The following STAU2 variants were observed in gnomAD, a reference collection of about 807,000 sequenced individuals.
The protein encoded by STAU2 is staufen double-stranded RNA binding protein 2.
In STAU2, 20 loss-of-function variants were observed where a neutral mutation model predicts 65.9. The observed-to-expected ratio is 0.30, with a 90% CI of 0.21 to 0.44. The LOEUF (loss-of-function observed/expected upper bound fraction) is 0.44, where lower values mean the gene tolerates loss of function less well. Among genes scored for constraint, STAU2 ranks in the 20% least tolerant of loss-of-function variants. STAU2 has a pLI of 1.00. For missense variants in STAU2, 558 were observed against 683.9 expected (o/e 0.82, Z 2.05); for synonymous variants, 232 against 233.9 (o/e 0.99, Z 0.07).
chr8:73,489,597 G>A (rs907545241), intron 13 of STAU2, among the ~76,000 whole-genome samples: 11 of 151,976 alleles, frequency 7.2e-5, no homozygotes, highest in Non-Finnish European at 1.6e-4. Flanking sequence ...ACCACCATTG[G>A]CAATGCAGTT....
chr8:73,609,657 A>T (rs114237348), intron 9 of STAU2, among the ~76,000 whole-genome samples: 1,688 of 151,756 alleles, frequency 0.011, 31 homozygotes, highest in African/African-American at 0.038. Flanking sequence ...TGTCTCAATT[A>T]AAAAAAAATT....
chr8:73,486,713 G>T (rs1020761900), intron 13 of STAU2, among the ~76,000 whole-genome samples: 1 of 149,608 alleles, frequency 6.7e-6, no homozygotes, highest in Non-Finnish European at 1.5e-5. Context: ...GAGTGTAGTG[G>T]CATATTATGG....
intron 13 of STAU2, chr8:73,550,292 A>T (rs1807238869): frequency 1.0e-6 from 1 of 984,304 alleles, no homozygotes; most frequent in Admixed American, 6.2e-5. Flanking sequence ...TGCAATAATG[A>T]GGGAAGCAGA....
At chr8:73,488,958 T>C (rs925110059) in intron 13 of STAU2, among the ~76,000 whole-genome samples, 2 of 152,048 alleles carry the variant, frequency 1.3e-5, no homozygotes, top group Non-Finnish European at 2.9e-5. Flanking sequence ...CCTAACTGTC[T>C]CTTTCCCACA....
chr8:73,593,596 T>A (rs959964832), intron 11 of STAU2, among the ~76,000 whole-genome samples: 3 of 152,134 alleles, frequency 2.0e-5, no homozygotes, highest in Non-Finnish European at 2.9e-5. Flanking sequence ...TGCAAGAGTG[T>A]TTTTGGGTGA....
intron 3 of STAU2, among the ~76,000 whole-genome samples, chr8:73,729,105 CTATTCCTGA>C (rs1278235011): frequency 1.2e-4 from 18 of 152,144 alleles, no homozygotes; most frequent in African/African-American, 4.3e-4. Context: ...AAGTTCCCTA[CTATTCCTGA>C]TTTTGAGCCT....
At chr8:73,664,664 T>C (rs187783182) in intron 6 of STAU2, among the ~76,000 whole-genome samples, 84 of 152,336 alleles carry the variant, frequency 5.5e-4, no homozygotes, top group African/African-American at 1.8e-3. Context: ...TTATTTAAAT[T>C]CGGCTGAATT....
At chr8:73,695,223 G>A (rs1390008569) in intron 4 of STAU2, among the ~76,000 whole-genome samples, 1 of 152,190 alleles carries the variant, frequency 6.6e-6, no homozygotes, top group Non-Finnish European at 1.5e-5. Flanking sequence ...CTTAAGGAGA[G>A]GAGAGTGAAG....
In STAU2 at chr8:73,588,641, T is replaced by C. The variant is rs191216774; in HGVS notation, c.1162-5811A>G. On this transcript the variant is annotated intron_variant, in intron 11 of 14. Coordinates refer to ENST00000524300, the MANE Select transcript of STAU2 (RefSeq NM_001164380.2). The stretch of plus-strand genomic sequence containing the variant: ...GTTGGGGCAAAGGCAGGAAATTCTC[T>C]GGTCCTAAGAGCTCAGTAAAGCTTC... Among the ~76,000 whole-genome samples the C allele has an allele frequency of 1.2e-3, 186 of 152,338 alleles. 2 individuals are homozygous for C. The highest frequency in any genetic ancestry group is 8.9e-3 in the South Asian group (43 of 4,824).
intron 13 of STAU2, among the ~76,000 whole-genome samples, chr8:73,466,599 TGTTTCAAAGGCC>T (rs1198049501): frequency 1.3e-5 from 2 of 152,220 alleles, no homozygotes; most frequent in African/African-American, 2.4e-5. Context: ...CTTAAAGGCC[TGTTTCAAAGGCC>T]TCTTGCCATG....
At chr8:73,632,695 G>A (rs1483330443) in intron 6 of STAU2, among the ~76,000 whole-genome samples, 1 of 152,136 alleles carries the variant, frequency 6.6e-6, no homozygotes, top group Non-Finnish European at 1.5e-5. Flanking sequence ...AATCACCCCA[G>A]TTATGCATAA....
intron 13 of STAU2, among the ~76,000 whole-genome samples, chr8:73,462,936 A>G (rs1050989802): frequency 3.0e-4 from 45 of 152,176 alleles, no homozygotes; most frequent in African/African-American, 9.7e-4. Flanking sequence ...CCTTCTCTGA[A>G]CATGTTTTTG....
At chr8:73,480,754 C>A (rs542468701) in intron 13 of STAU2, among the ~76,000 whole-genome samples, 1 of 152,040 alleles carries the variant, frequency 6.6e-6, no homozygotes, top group South Asian at 2.1e-4. Context: ...TATGTAGGAA[C>A]CAAACTGGAA....
chr8:73,538,666 C>T (rs1363762053), intron 13 of STAU2, among the ~76,000 whole-genome samples: 2 of 139,408 alleles, frequency 1.4e-5, no homozygotes, highest in East Asian at 2.3e-4. Context: ...CTCCTTAAGT[C>T]AGAGTTTTAG....
At chr8:73,741,482 T>C (rs538557250) in intron 1 of STAU2, among the ~76,000 whole-genome samples, 2 of 151,982 alleles carry the variant, frequency 1.3e-5, no homozygotes, top group East Asian at 1.9e-4. Context: ...GAGTAAGATA[T>C]TGGGGTACCT....
At chr8:73,576,045 T>C (rs1398937725) in intron 12 of STAU2, among the ~76,000 whole-genome samples, 1 of 152,150 alleles carries the variant, frequency 6.6e-6, no homozygotes, top group Non-Finnish European at 1.5e-5. Flanking sequence ...AAAAGATTTC[T>C]ACTTGTTACA....
chr8:73,474,328 G>A (rs1563613761), intron 13 of STAU2, among the ~76,000 whole-genome samples: 1 of 152,092 alleles, frequency 6.6e-6, no homozygotes, highest in Non-Finnish European at 1.5e-5. Context: ...CTTATAAAAT[G>A]CAAATAAAAG....
intron 5 of STAU2, among the ~76,000 whole-genome samples, chr8:73,686,204 G>A (rs959649531): frequency 1.3e-5 from 2 of 152,172 alleles, no homozygotes; most frequent in Non-Finnish European, 2.9e-5. Flanking sequence ...CACGAAGTCA[G>A]GAGATGGAGA....
At chr8:73,702,602 GAAT>G (rs1563517304) in intron 4 of STAU2, among the ~76,000 whole-genome samples, 1 of 151,922 alleles carries the variant, frequency 6.6e-6, no homozygotes, top group South Asian at 2.1e-4. Flanking sequence ...AAGAGACAAA[GAAT>G]ATTATTATTG....
Sources: allele counts gnomAD v4.1 joint callset (sites outside exome capture counted in the v4.1 genomes callset), GRCh38; gene constraint gnomAD v4.1.1; transcripts MANE v1.5; gene names NCBI Gene and HGNC (gene_info 2026-07-23, HGNC 2026-07-21).